The following PSMD14 variants were observed in gnomAD, a reference collection of about 807,000 sequenced individuals.
The protein encoded by PSMD14 is proteasome 26S subunit, non-ATPase 14, also known as ubiquitin C-terminal hydrolase PSMD14.
Under a neutral mutation model 41.2 loss-of-function variants are expected in PSMD14, and 7 were observed. The observed-to-expected ratio is 0.17, with a 90% CI of 0.10 to 0.32. The LOEUF (loss-of-function observed/expected upper bound fraction) is 0.32. PSMD14 is among the 10% of genes least tolerant of loss of function. The pLI is 1.00. For missense variants in PSMD14, 139 were observed against 375.6 expected, an observed-to-expected ratio of 0.37 and a Z score of 5.21; for synonymous variants, 114 against 122.3, an observed-to-expected ratio of 0.93 and a Z score of 0.45.
intron 10 of PSMD14, among the ~76,000 whole-genome samples, chr2:161,396,261 G>A (rs940880366): frequency 4.6e-5 from 7 of 152,266 alleles, no homozygotes; most frequent in African/African-American, 1.7e-4. Context: ...AACAGATCCC[G>A]CAATCCCACC....
At chr2:161,377,292 A>G (rs933781527) in intron 7 of PSMD14, among the ~76,000 whole-genome samples, 4 of 151,922 alleles carry the variant, frequency 2.6e-5, no homozygotes, top group African/African-American at 7.2e-5. Context: ...ACATAAAGAA[A>G]TCTATTTCCA....
At chr2:161,319,147 A>AG (rs1689175608) in intron 3 of PSMD14, 3 of 302,182 alleles carry the variant, frequency 9.9e-6, no homozygotes, top group East Asian at 1.2e-4. Flanking sequence ...GTTGGCTTTT[A>AG]GGAAAAAAAA....
chr2:161,346,730 A>G (rs759285886), intron 3 of PSMD14, among the ~76,000 whole-genome samples: 3 of 151,588 alleles, frequency 2.0e-5, no homozygotes, highest in Non-Finnish European at 4.4e-5. Flanking sequence ...ATTTTCTACT[A>G]TTGAGGCTAG....
At chr2:161,400,553 A>T (rs1312205530) in intron 10 of PSMD14, among the ~76,000 whole-genome samples, 1 of 152,116 alleles carries the variant, frequency 6.6e-6, no homozygotes, top group Non-Finnish European at 1.5e-5. Flanking sequence ...CAGAATTATT[A>T]TTTTTATTTT....
rs183406339 is a variant in PSMD14, at chr2:161,357,510, C to T, written c.49-9968C>T. On this transcript the variant is annotated intron_variant, in intron 3 of 11. Transcript: ENST00000409682. ...AGAATTACTTAAGTGATTTCAAAGT[C>T]GCTTGTAGGAATTTAGTATTGAGGA... 4.6e-4 allele frequency among the ~76,000 whole-genome samples: 70 copies of T among 152,112 alleles called. 1 individual carries two copies. Among genetic ancestry groups the T allele is most frequent in the African/African-American group, 1.4e-3 (58 of 41,510 alleles).
intron 7 of PSMD14, chr2:161,383,118 T>C (rs1272892581): frequency 6.6e-6 from 1 of 151,996 alleles, no homozygotes; most frequent in Non-Finnish European, 1.5e-5. Flanking sequence ...CACTGGACAT[T>C]AATGAGTCTA....
intron 1 of PSMD14, among the ~76,000 whole-genome samples, chr2:161,311,617 C>T (rs1288710667): frequency 1.4e-5 from 2 of 142,196 alleles, no homozygotes; most frequent in Admixed American, 7.3e-5. Context: ...AGTCTGTTCT[C>T]ACTCTTCCTT....
intron 9 of PSMD14, among the ~76,000 whole-genome samples, chr2:161,391,408 A>G (rs1461269296): frequency 1.3e-5 from 2 of 152,122 alleles, no homozygotes; most frequent in Non-Finnish European, 2.9e-5. Flanking sequence ...GTAGGAAATA[A>G]ATCAAACGTT....
rs555083529 is a variant in PSMD14, at chr2:161,330,278, G to A, written c.48+11405G>A. Among the ~76,000 whole-genome samples, 138 of 152,294 alleles carry A rather than the reference G, an allele frequency of 9.1e-4. 1 individual carries two copies. Among genetic ancestry groups the A allele is most frequent in the African/African-American group, 2.9e-3 (119 of 41,558 alleles). On this transcript the variant is annotated intron_variant, in intron 3 of 11. Coordinates refer to ENST00000409682, the MANE Select transcript of PSMD14 (RefSeq NM_005805.6). The stretch of plus-strand genomic sequence containing the variant: ...AGGATATGATGGATTTATGACATCT[G>A]ATACCATTTTTGGTAGAAAGTATAT...
At chr2:161,392,453 G>A (rs897442609) in intron 9 of PSMD14, among the ~76,000 whole-genome samples, 1 of 152,154 alleles carries the variant, frequency 6.6e-6, no homozygotes, top group Non-Finnish European at 1.5e-5. Flanking sequence ...GGCTCTCCAC[G>A]CTTACCCCCT....
chr2:161,394,746 G>A (rs527925676), intron 9 of PSMD14, among the ~76,000 whole-genome samples: 13 of 152,246 alleles, frequency 8.5e-5, no homozygotes, highest in Admixed American at 6.5e-5. Context: ...AGGGAAGAAA[G>A]ATTTTGTTTA....
At chr2:161,336,459 A>G (rs1442712490) in intron 3 of PSMD14, among the ~76,000 whole-genome samples, 1 of 152,098 alleles carries the variant, frequency 6.6e-6, no homozygotes, top group South Asian at 2.1e-4. Flanking sequence ...TTGGATATCA[A>G]TTTTTTCTTT....
intron 3 of PSMD14, among the ~76,000 whole-genome samples, chr2:161,360,933 T>G (rs1355309990): frequency 6.6e-6 from 1 of 152,254 alleles, no homozygotes; most frequent in African/African-American, 2.4e-5. Context: ...TTTGCTTGTG[T>G]ACTGACTTCT....
chr2:161,408,724 G>A lies in PSMD14; in HGVS notation c.772-113G>A, dbSNP rs769102842. 4.1e-6 allele frequency: 3 copies of A among 727,504 alleles called. No individual in the cohort carries two copies. In the African/African-American group the frequency reaches 5.4e-5, roughly 13 times the overall value. 45.1% of individuals were successfully genotyped at this position (727,504 alleles called of 1,614,324 possible). On this transcript the variant is annotated intron_variant, in intron 10 of 11. Transcript: ENST00000409682. ...ATTTTATTTGTTCAGTAAATTATTT[G>A]AATAAAAGTTGTATGAATGAAAATT... is the stretch of plus-strand genomic sequence containing the variant.
intron 7 of PSMD14, among the ~76,000 whole-genome samples, chr2:161,372,138 T>A (rs1454910249): frequency 6.6e-6 from 1 of 152,046 alleles, no homozygotes; most frequent in Non-Finnish European, 1.5e-5. Flanking sequence ...ACTACAGACA[T>A]ACAGAAATTG....
At chr2:161,325,162 G>T (rs562012312) in intron 3 of PSMD14, among the ~76,000 whole-genome samples, 1 of 152,246 alleles carries the variant, frequency 6.6e-6, no homozygotes, top group South Asian at 2.1e-4. Flanking sequence ...TATAATGCCT[G>T]TAAGTTGTCA....
At chr2:161,349,521 A>T (rs768541299) in intron 3 of PSMD14, among the ~76,000 whole-genome samples, 2 of 152,190 alleles carry the variant, frequency 1.3e-5, no homozygotes, top group Non-Finnish European at 2.9e-5. Flanking sequence ...AGTTCTTTCA[A>T]TTATTTCAGT....
At chr2:161,362,060 T>G (rs1683296629) in intron 3 of PSMD14, among the ~76,000 whole-genome samples, 1 of 152,198 alleles carries the variant, frequency 6.6e-6, no homozygotes, top group South Asian at 2.1e-4. Flanking sequence ...CATTGCTTTT[T>G]AATTTTAATT....
chr2:161,394,988 GTTTT>G (rs112832377), intron 9 of PSMD14, 86 bp from the exon 10 acceptor site: 13 of 850,452 alleles, frequency 1.5e-5, no homozygotes, highest in Non-Finnish European at 2.2e-5. Context: ...AAGTCGAAAT[GTTTT>G]TTTTTTTTTG....
Sources: allele counts gnomAD v4.1 joint callset (sites outside exome capture counted in the v4.1 genomes callset), GRCh38; gene constraint gnomAD v4.1.1; transcripts MANE v1.5; gene names NCBI Gene and HGNC (gene_info 2026-07-23, HGNC 2026-07-21).